CEP83: variants seen among roughly 807,000 people sequenced by gnomAD.
The protein encoded by CEP83 is centrosomal protein 83.
Under a neutral mutation model 101.9 loss-of-function variants are expected in CEP83, and 70 were observed. That is an observed-to-expected ratio of 0.69 (90% CI 0.57 to 0.84). CEP83 has a LOEUF of 0.84. Ranked by LOEUF, CEP83 falls within the 40% of genes least tolerant of loss-of-function variation. CEP83 has a pLI of 0.00. For synonymous variants in CEP83, 264 were observed against 267.9 expected, an observed-to-expected ratio of 0.99 and a Z score of 0.14; for missense variants, 715 against 787.2, an observed-to-expected ratio of 0.91 and a Z score of 1.10.
chr12:94,456,006 C>T (rs2067646906), intron 1 of CEP83, among the ~76,000 whole-genome samples: 1 of 151,258 alleles, frequency 6.6e-6, no homozygotes. Context: ...AAAGATTGCA[C>T]CACTACGCTC....
At chr12:94,346,304 C>T (rs546747464) in intron 11 of CEP83, among the ~76,000 whole-genome samples, 2 of 152,252 alleles carry the variant, frequency 1.3e-5, no homozygotes, top group East Asian at 3.9e-4. Context: ...CCACCCACCT[C>T]AGCTTCCCAA....
intron 6 of CEP83, among the ~76,000 whole-genome samples, chr12:94,396,347 G>A (rs1487564068): frequency 7.0e-6 from 1 of 143,564 alleles, no homozygotes; most frequent in Non-Finnish European, 1.5e-5. Flanking sequence ...GGAGTGCGGT[G>A]GCACAATCTT....
chr12:94,435,673 G>C (rs973770591), intron 1 of CEP83, among the ~76,000 whole-genome samples: 1 of 152,092 alleles, frequency 6.6e-6, no homozygotes, highest in African/African-American at 2.4e-5. Context: ...TTCCTGACTG[G>C]AGGCCAACCA....
rs1416023033 is a variant in CEP83 at position 94,331,686 on chromosome 12, TA to T, written c.1707+13del. 6.2e-7 allele frequency: 1 copy of T among 1,612,884 alleles called. No individual in the cohort carries two copies. Among genetic ancestry groups the T allele is most frequent in the East Asian group, 2.2e-5 (1 of 44,840 alleles). ...CATGCCTGGCCAGAGATCACTTTAA[TA>T]AGAACCACTTGCCTTTTTCTGGGCA... On this transcript the variant is annotated intron_variant, in intron 14 of 16. Coordinates refer to ENST00000397809, the MANE Select transcript of CEP83 (RefSeq NM_016122.3).
At chr12:94,398,624 G>A (rs929762244) in intron 6 of CEP83, among the ~76,000 whole-genome samples, 21 of 152,030 alleles carry the variant, frequency 1.4e-4, no homozygotes, top group African/African-American at 4.8e-4. Flanking sequence ...CCTTGAAAAA[G>A]AATAGAATAA....
chr12:94,447,611 G>A (rs749471056), intron 1 of CEP83, among the ~76,000 whole-genome samples: 18 of 152,082 alleles, frequency 1.2e-4, no homozygotes, highest in East Asian at 3.8e-4. Context: ...ACTTCATCTC[G>A]TTTAAAGACA....
intron 11 of CEP83, among the ~76,000 whole-genome samples, chr12:94,338,402 CT>C (rs1351373426): frequency 2.6e-5 from 4 of 152,164 alleles, no homozygotes; most frequent in Non-Finnish European, 4.4e-5. Flanking sequence ...AAAAAAATCA[CT>C]TTAACCATAC....
intron 1 of CEP83, among the ~76,000 whole-genome samples, chr12:94,446,154 C>G: frequency 6.6e-6 from 1 of 152,186 alleles, no homozygotes; most frequent in Non-Finnish European, 1.5e-5. Context: ...TGACCATTGT[C>G]ACTCACTGGT....
At chr12:94,272,067 C>A in the CEP83 span, 1 of 152,200 alleles carries the variant, frequency 6.6e-6, no homozygotes, top group Non-Finnish European at 1.5e-5. Context: ...TACAAAGGGG[C>A]CAGGCCTTTC....
chr12:94,331,782 A>C lies in CEP83; in HGVS notation c.1625T>G (p.Leu542Arg). 1 of 1,613,320 alleles carries C rather than the reference A, an allele frequency of 6.2e-7. No individual in the cohort carries two copies. Among genetic ancestry groups the C allele is most frequent in the Non-Finnish European group, 8.5e-7 (1 of 1,179,232 alleles). Residue 542 changes from leucine to arginine, a missense_variant, in exon 14 of 17, where the codon CTT becomes CGT. Physicochemically the swap from Leu to Arg is moderately radical, Grantham distance 102. Transcript: ENST00000397809. The stretch of plus-strand genomic sequence containing the variant: ...TTCTCTGTCTGTGATACGCTCATGA[A>C]GCTTATGCTTTTCTTCCAACCACTG... ...QIQWLEEKHK[L>R]HERITDREEK... is the part of the protein sequence containing the mutation.
At chr12:94,432,461 T>TG (rs1452902430) in intron 2 of CEP83, among the ~76,000 whole-genome samples, 1 of 152,130 alleles carries the variant, frequency 6.6e-6, no homozygotes, top group Non-Finnish European at 1.5e-5. Flanking sequence ...TGGATAAAGA[T>TG]GGAGATCATT....
intron 1 of CEP83, among the ~76,000 whole-genome samples, chr12:94,445,272 TACACACAC>T (rs3069395): frequency 3.3e-5 from 5 of 150,210 alleles, no homozygotes; most frequent in African/African-American, 9.8e-5. Flanking sequence ...GCCTTTTCCA[TACACACAC>T]ACACACACAC....
intron 6 of CEP83, among the ~76,000 whole-genome samples, chr12:94,381,156 T>C (rs989307493): frequency 2.0e-5 from 3 of 152,206 alleles, no homozygotes; most frequent in African/African-American, 7.2e-5. Context: ...TTACATTCAA[T>C]CACTGCCATA....
At chr12:94,390,544 C>G (rs1284624535) in intron 6 of CEP83, among the ~76,000 whole-genome samples, 1 of 152,092 alleles carries the variant, frequency 6.6e-6, no homozygotes, top group East Asian at 1.9e-4. Context: ...AAGCTGAAAA[C>G]TCTAAAAATC....
intron 6 of CEP83, among the ~76,000 whole-genome samples, chr12:94,385,219 G>A (rs1158074134): frequency 6.6e-6 from 1 of 152,132 alleles, no homozygotes; most frequent in Non-Finnish European, 1.5e-5. Flanking sequence ...ACACCTCCCT[G>A]GATGGGAAGC....
the CEP83 span, chr12:94,298,565 CTA>C: frequency 8.0e-7 from 1 of 1,244,184 alleles, no homozygotes; most frequent in Non-Finnish European, 1.1e-6. Flanking sequence ...TTTGCTTTTG[CTA>C]TTATGTTTTC....
the CEP83 span, chr12:94,279,352 G>A: frequency 1.4e-6 from 1 of 716,546 alleles, no homozygotes; most frequent in East Asian, 2.7e-5. Context: ...ATGCAATACA[G>A]TGTTTGCTAA....
chr12:94,439,692 G>A (rs1329770774), intron 1 of CEP83, among the ~76,000 whole-genome samples: 1 of 152,008 alleles, frequency 6.6e-6, no homozygotes, highest in Non-Finnish European at 1.5e-5. Context: ...ATCATTCTAT[G>A]AAGCCAGTAT....
chr12:94,328,047 C>T (rs1457492653), intron 14 of CEP83, among the ~76,000 whole-genome samples: 2 of 152,196 alleles, frequency 1.3e-5, no homozygotes, highest in Non-Finnish European at 2.9e-5. Context: ...CATATTCAAT[C>T]AGATATTTTG....
Sources: allele counts gnomAD v4.1 joint callset (sites outside exome capture counted in the v4.1 genomes callset), GRCh38; gene constraint gnomAD v4.1.1; transcripts MANE v1.5; gene names NCBI Gene and HGNC (gene_info 2026-07-23, HGNC 2026-07-21).